Variants in ZNF157 observed in about 807,000 individuals in gnomAD.
ZNF157 encodes zinc finger protein 22.
A neutral mutation model predicts 9.4 loss-of-function variants in ZNF157; 8 were observed. The ratio of observed to expected loss-of-function variants is 0.85; its 90% CI spans 0.50 to 1.53. The LOEUF (loss-of-function observed/expected upper bound fraction) is 1.53, where lower values mean the gene tolerates loss of function less well. Among genes scored for constraint, ZNF157 ranks in the 40% most tolerant of loss-of-function variants. The probability of loss-of-function intolerance (pLI) is 0.00; values close to 1 mark genes in which losing one functional copy is unlikely to be tolerated. For missense variants in ZNF157, 316 were observed against 385.2 expected (o/e 0.82, Z 1.50); for synonymous variants, 120 against 130.8 (o/e 0.92, Z 0.56).
chrX:47,406,187 C>T (rs2055946434), intron 1 of ZNF157, among the ~76,000 whole-genome samples: 1 of 110,362 alleles, frequency 9.1e-6, no homozygotes, highest in Non-Finnish European at 1.9e-5. Context: ...ACATCAGCCT[C>T]CCAAAGTGCT....
intron 1 of ZNF157, among the ~76,000 whole-genome samples, chrX:47,405,329 C>T (rs1159533124): frequency 9.1e-6 from 1 of 109,588 alleles, no homozygotes; most frequent in East Asian, 2.8e-4. Flanking sequence ...GTGGAGGTTG[C>T]AGTGAGCCAA....
At chrX:47,397,202 C>T (rs1163901399) in intron 1 of ZNF157, among the ~76,000 whole-genome samples, 3 of 105,578 alleles carry the variant, frequency 2.8e-5, no homozygotes, top group Non-Finnish European at 5.8e-5. Context: ...TCTTCTTTAT[C>T]TTCATTGTTT....
intron 1 of ZNF157, among the ~76,000 whole-genome samples, chrX:47,381,522 A>G (rs1387420466): frequency 2.7e-5 from 3 of 112,188 alleles, no homozygotes; most frequent in Non-Finnish European, 3.8e-5. Context: ...GTGCTAACGT[A>G]AATGGTATTA....
At chrX:47,403,393 G>A (rs909693485) in intron 1 of ZNF157, among the ~76,000 whole-genome samples, 1 of 110,703 alleles carries the variant, frequency 9.0e-6, no homozygotes, top group Non-Finnish European at 1.9e-5. Flanking sequence ...GAGTGCAGTG[G>A]CAGGATCTCG....
chrX:47,406,820 T>C (rs1195186323), intron 1 of ZNF157, among the ~76,000 whole-genome samples: 1 of 112,678 alleles, frequency 8.9e-6, no homozygotes, highest in African/African-American at 3.2e-5. Flanking sequence ...ACCAGTTATA[T>C]GCCTTTTATT....
At position 47,413,303 on chromosome X, in the gene ZNF157, A is replaced by T. The variant is rs1476687929; in HGVS notation, c.1230A>T (p.Gly410=). Residue 410 remains glycine (G), a synonymous_variant, in exon 4 of 4, where the codon GGA becomes GGT. Transcript: ENST00000377073. ...RLIEHQRMHS[G]EKPYECSECG... Reference sequence around the variant, plus strand: ...TTGAACATCAGAGGATGCATTCAGGAGAGAAACCCTACGAATGTAGTGAAT... The same window carrying T: ...TTGAACATCAGAGGATGCATTCAGGTGAGAAACCCTACGAATGTAGTGAAT... The T allele has an allele frequency of 1.7e-6, 2 of 1,209,485 alleles. No individual in the cohort carries two copies. Among genetic ancestry groups the T allele is most frequent in the Non-Finnish European group, 2.2e-6 (2 of 894,975 alleles).
At chrX:47,408,029 A>G (rs2055952395) in intron 1 of ZNF157, among the ~76,000 whole-genome samples, 1 of 112,154 alleles carries the variant, frequency 8.9e-6, no homozygotes, top group Admixed American at 9.6e-5. Flanking sequence ...AGGCTGTACA[A>G]AAAGCATAAC....
intron 1 of ZNF157, among the ~76,000 whole-genome samples, chrX:47,406,670 C>T (rs376594300): frequency 1.8e-5 from 2 of 112,405 alleles, no homozygotes; most frequent in South Asian, 3.6e-4. Flanking sequence ...CCACTATGCC[C>T]GGCCGAAACA....
chrX:47,399,995 C>CT lies in ZNF157; in HGVS notation c.73-10262dup, dbSNP rs35568461. ...ATTGCCCAGTTTCTGTTCTCTCTCT[C>CT]TTTTTTTTTTTTTTTTTTTGAGACA... On this transcript the variant is annotated intron_variant, in intron 1 of 3. Coordinates refer to ENST00000377073, the MANE Select transcript of ZNF157 (RefSeq NM_003446.4). 8.8e-3 allele frequency among the ~76,000 whole-genome samples: 640 copies of CT among 72,627 alleles called. 5 individuals carry two copies. Among genetic ancestry groups the CT allele is most frequent in the Middle Eastern group, 0.023 (3 of 132 alleles). The allele number at this position is 72,627 out of a possible 115,157, so 63.1% of individuals were successfully genotyped here.
At chrX:47,401,898 C>T (rs1407150800) in intron 1 of ZNF157, among the ~76,000 whole-genome samples, 2 of 109,917 alleles carry the variant, frequency 1.8e-5, no homozygotes, top group Admixed American at 9.8e-5. Context: ...TGCCATCACA[C>T]CCACTAATTT....
intron 1 of ZNF157, among the ~76,000 whole-genome samples, chrX:47,399,617 G>A (rs1602770134): frequency 8.9e-6 from 1 of 112,090 alleles, no homozygotes; most frequent in South Asian, 3.7e-4. Flanking sequence ...TTGACTGTGA[G>A]CACAAACTTG....
Position 47,412,740 on chromosome X carries a change from T to G in ZNF157, c.667T>G (p.Cys223Gly). Residue 223 changes from cysteine (C) to glycine (G), a missense_variant, in exon 4 of 4, where the codon TGT becomes GGT. Cys to Gly is a radical substitution (Grantham distance 159). This residue lies in a region of ZNF157 where 146 missense variants were observed against 183.8 expected (regional missense o/e 0.79). Coordinates refer to ENST00000377073, the MANE Select transcript of ZNF157 (RefSeq NM_003446.4). ...GGAGAGGCCCTTTGAATGTAATGAA[T>G]GTGGGAAATCTTTTGGCAGGAAGTC... ...TGERPFECNE[C>G]GKSFGRKSQL... is the part of the protein sequence containing the mutation. The G allele has an allele frequency of 8.3e-7, 1 of 1,211,747 alleles. No individual in the cohort carries two copies. Among genetic ancestry groups the G allele is most frequent in the Non-Finnish European group, 1.1e-6 (1 of 895,529 alleles).
chrX:47,371,484 GAA>G (rs57315879), intron 1 of ZNF157, among the ~76,000 whole-genome samples: 1 of 109,872 alleles, frequency 9.1e-6, no homozygotes, highest in East Asian at 2.9e-4. Flanking sequence ...CCACAAAAAG[GAA>G]AAAAAGGACA....
chrX:47,411,772 A>G (rs1357340272), intron 3 of ZNF157, among the ~76,000 whole-genome samples: 3 of 111,366 alleles, frequency 2.7e-5, no homozygotes, highest in African/African-American at 9.8e-5. Flanking sequence ...AGTATCAGTT[A>G]TATGCTGTGT....
chrX:47,403,104 T>TACACAC (rs201573538), intron 1 of ZNF157, among the ~76,000 whole-genome samples: 4 of 100,223 alleles, frequency 4.0e-5, no homozygotes, highest in Non-Finnish European at 6.1e-5. Flanking sequence ...CTACTGAAAA[T>TACACAC]ACACACACAC....
intron 1 of ZNF157, among the ~76,000 whole-genome samples, chrX:47,378,889 A>G (rs1435488367): frequency 1.8e-5 from 2 of 111,438 alleles, no homozygotes; most frequent in African/African-American, 6.5e-5. Context: ...CCAGGAATGA[A>G]CAAGGGTAGT....
chrX:47,394,943 C>T (rs2055908814), intron 1 of ZNF157, among the ~76,000 whole-genome samples: 1 of 111,495 alleles, frequency 9.0e-6, no homozygotes, highest in Admixed American at 9.7e-5. Context: ...CTCAGCCTCC[C>T]ACGTAGCTGG....
chrX:47,379,217 G>A (rs770283351), intron 1 of ZNF157, among the ~76,000 whole-genome samples: 20 of 107,689 alleles, frequency 1.9e-4, no homozygotes, highest in Non-Finnish European at 3.6e-4. Flanking sequence ...GGTCTTGAAC[G>A]CCTGGGCTCA....
At chrX:47,380,202 T>C (rs1422230596) in intron 1 of ZNF157, among the ~76,000 whole-genome samples, 2 of 110,473 alleles carry the variant, frequency 1.8e-5, no homozygotes, top group Non-Finnish European at 3.8e-5. Context: ...TCTTGCCTCC[T>C]CAGAAAAAAG....
Sources: allele counts gnomAD v4.1 joint callset (sites outside exome capture counted in the v4.1 genomes callset), GRCh38; gene constraint gnomAD v4.1.1; regional missense constraint gnomAD v4.1.1; transcripts MANE v1.5; gene names NCBI Gene and HGNC (gene_info 2026-07-23, HGNC 2026-07-21).